The following CFAP299 variants were observed in gnomAD, a reference collection of about 807,000 sequenced individuals.
CFAP299 encodes cilia and flagella associated protein 299.
CFAP299 carries 21 observed loss-of-function variants against 27.0 expected under a neutral mutation model. The observed-to-expected ratio is 0.78, with a 90% CI of 0.55 to 1.12. CFAP299 has a LOEUF of 1.12. Among genes scored for constraint, CFAP299 ranks in the 50% most tolerant of loss-of-function variants. The pLI is 0.00. For synonymous variants in CFAP299, 104 were observed against 98.1 expected (o/e 1.06, Z -0.36); for missense variants, 310 against 276.6 (o/e 1.12, Z -0.86).
chr4:80,831,892 T>A (rs1730318392), intron 3 of CFAP299, among the ~76,000 whole-genome samples: 1 of 152,164 alleles, frequency 6.6e-6, no homozygotes, highest in South Asian at 2.1e-4. Context: ...AGAGAGAACA[T>A]GAATCCTTGA....
At chr4:80,816,288 A>G (rs910059259) in intron 3 of CFAP299, among the ~76,000 whole-genome samples, 4 of 152,152 alleles carry the variant, frequency 2.6e-5, no homozygotes, top group Non-Finnish European at 5.9e-5. Flanking sequence ...GAACTGTAGC[A>G]AAGATAAAAT....
intron 3 of CFAP299, among the ~76,000 whole-genome samples, chr4:80,792,454 C>G (rs1318668540): frequency 6.6e-6 from 1 of 151,942 alleles, no homozygotes; most frequent in African/African-American, 2.4e-5. Flanking sequence ...ATTAAATTAA[C>G]CTTTGGAGAA....
intron 3 of CFAP299, among the ~76,000 whole-genome samples, chr4:80,842,098 G>A (rs1730893004): frequency 6.6e-6 from 1 of 151,922 alleles, no homozygotes; most frequent in South Asian, 2.1e-4. Flanking sequence ...GGTGAGGATG[G>A]GAGAGGTGGG....
At chr4:80,508,707 C>T (rs1457201336) in intron 2 of CFAP299, among the ~76,000 whole-genome samples, 1 of 152,148 alleles carries the variant, frequency 6.6e-6, no homozygotes, top group East Asian at 1.9e-4. Flanking sequence ...TCCAGGAGTG[C>T]ACCACCACTC....
chr4:80,451,843 A>G (rs1336157419), intron 2 of CFAP299, among the ~76,000 whole-genome samples: 1 of 152,216 alleles, frequency 6.6e-6, no homozygotes, highest in Non-Finnish European at 1.5e-5. Flanking sequence ...TATTCAGTGA[A>G]AGATTAGATT....
intron 3 of CFAP299, among the ~76,000 whole-genome samples, chr4:80,732,064 CACACAG>C (rs200028194): frequency 0.036 from 5,088 of 142,608 alleles, 141 homozygotes; most frequent in East Asian, 0.18. Flanking sequence ...GACACACAGA[CACACAG>C]ACACACACAC....
chr4:80,799,791 T>TTA (rs1728234638), intron 3 of CFAP299, among the ~76,000 whole-genome samples: 1 of 34,430 alleles, frequency 2.9e-5, no homozygotes, highest in African/African-American at 1.7e-4. Context: ...ATATTATATA[T>TTA]TATATTATAT....
At chr4:80,800,472 A>T (rs374360456) in intron 3 of CFAP299, among the ~76,000 whole-genome samples, 19 of 7,846 alleles carry the variant, frequency 2.4e-3, no homozygotes, top group East Asian at 0.014. Context: ...TATAATATAT[A>T]ATATATTATA....
intron 2 of CFAP299, among the ~76,000 whole-genome samples, chr4:80,364,250 C>T (rs1431878035): frequency 6.6e-6 from 1 of 152,148 alleles, no homozygotes; most frequent in Non-Finnish European, 1.5e-5. Context: ...CAACTGCCTC[C>T]ATGTTCAGTT....
chr4:80,455,274 G>C (rs1729089062), intron 2 of CFAP299, among the ~76,000 whole-genome samples: 1 of 152,098 alleles, frequency 6.6e-6, no homozygotes, highest in South Asian at 2.1e-4. Flanking sequence ...CCCAAAATTA[G>C]TTTCGCCTAC....
At chr4:80,913,323 A>T (rs1735572994) in intron 4 of CFAP299, among the ~76,000 whole-genome samples, 1 of 152,214 alleles carries the variant, frequency 6.6e-6, no homozygotes, top group Admixed American at 6.6e-5. Flanking sequence ...TCACTACATG[A>T]AGGTGGGCTG....
rs531856604 is a variant in CFAP299, at chr4:80,590,830, A to T, written c.333+7647A>T. ...TTAAGGAAAATGGTTACATTGTGCT[A>T]GGTAGGAGGAGGTTGGAAAAGAAAG... On this transcript the variant is annotated intron_variant, in intron 3 of 5. Coordinates refer to ENST00000358105, the MANE Select transcript of CFAP299 (RefSeq NM_152770.3). 5.8e-4 allele frequency among the ~76,000 whole-genome samples: 89 copies of T among 152,262 alleles called. 1 individual carries two copies. The highest frequency in any genetic ancestry group is 2.0e-3 in the African/African-American group (82 of 41,560).
chr4:80,607,387 T>C lies in CFAP299; in HGVS notation c.333+24204T>C, dbSNP rs943036156. Among the ~76,000 whole-genome samples the C allele has an allele frequency of 3.1e-5, 4 of 127,838 alleles. No individual in the cohort carries two copies. In the South Asian group the frequency reaches 1.2e-3, roughly 37 times the overall value. The allele number at this position is 127,838 out of a possible 152,430, so 83.9% of individuals were successfully genotyped here. The stretch of plus-strand genomic sequence containing the variant: ...GGATATCGAGATGCTCTGCCTTTCT[T>C]AAAAGCAAAAAGTAGAGGGTGGAGA... On this transcript the variant is annotated intron_variant, in intron 3 of 5. Transcript: ENST00000358105.
At chr4:80,387,080 G>C in intron 2 of CFAP299, 1 of 1,440,270 alleles carries the variant, frequency 6.9e-7, no homozygotes, top group Non-Finnish European at 9.8e-7. Context: ...TGTGAGTGGC[G>C]GTCTGCAGGT....
intron 3 of CFAP299, among the ~76,000 whole-genome samples, chr4:80,847,994 G>A (rs1447933552): frequency 6.6e-6 from 1 of 152,046 alleles, no homozygotes; most frequent in Non-Finnish European, 1.5e-5. Context: ...TGGATCGCTT[G>A]AACTCAGGAG....
chr4:80,507,788 T>C (rs1179030109), intron 2 of CFAP299, among the ~76,000 whole-genome samples: 1 of 152,282 alleles, frequency 6.6e-6, no homozygotes, highest in Non-Finnish European at 1.5e-5. Context: ...CTCAGGAACC[T>C]TGGGGAGAGA....
intron 2 of CFAP299, among the ~76,000 whole-genome samples, chr4:80,406,219 C>A (rs1390720722): frequency 6.6e-6 from 1 of 152,136 alleles, no homozygotes; most frequent in Admixed American, 6.6e-5. Context: ...ATGTGATGGA[C>A]TTTATACATT....
At chr4:80,781,737 T>C (rs1726890687) in intron 3 of CFAP299, among the ~76,000 whole-genome samples, 1 of 151,274 alleles carries the variant, frequency 6.6e-6, no homozygotes, top group Admixed American at 6.6e-5. Context: ...TTGGAGAAAA[T>C]GACCAGATTA....
chr4:80,650,150 A>G (rs900338068), intron 3 of CFAP299, among the ~76,000 whole-genome samples: 17 of 152,220 alleles, frequency 1.1e-4, no homozygotes, highest in South Asian at 2.1e-4. Context: ...AGGAAAGTTA[A>G]TATTTGTAAG....
Sources: gnomAD v4.1 joint callset for allele counts (sites outside exome capture counted in the v4.1 genomes callset) on GRCh38, gnomAD v4.1.1 for gene constraint, MANE v1.5 for transcripts, NCBI Gene and HGNC (gene_info 2026-07-23, HGNC 2026-07-21) for gene names.